SOCS7: variants seen among roughly 807,000 people sequenced by gnomAD.
SOCS7 encodes the protein NAP-4.
Under a neutral mutation model 58.9 loss-of-function variants are expected in SOCS7, and 18 were observed. The ratio of observed to expected loss-of-function variants is 0.31; its 90% CI spans 0.21 to 0.45. The LOEUF (loss-of-function observed/expected upper bound fraction) is 0.45. Among genes scored for constraint, SOCS7 ranks in the 20% least tolerant of loss-of-function variants. The probability of loss-of-function intolerance (pLI) is 1.00; values close to 1 mark genes in which losing one functional copy is unlikely to be tolerated. For missense variants in SOCS7, 667 were observed against 837.3 expected (o/e 0.80, Z 2.51); for synonymous variants, 388 against 364.3 (o/e 1.06, Z -0.74).
rs1555567601 is a variant in SOCS7, at chr17:38,361,717, C to T, written c.987C>T (p.Pro329=). 1 of 1,613,524 alleles carries T rather than the reference C, an allele frequency of 6.2e-7. No individual in the cohort carries two copies. Among genetic ancestry groups the T allele is most frequent in the Admixed American group, 1.7e-5 (1 of 59,992 alleles). ...AGRELDAGRK[P]KLTRTQSAFS... ...CTGCTTTCTCACTCCCTAGGAAACC[C>T]AAGTTGACAAGAACTCAAAGTGCCT... is the stretch of plus-strand genomic sequence containing the variant. Residue 329 remains proline, a synonymous_variant, in exon 2 of 10, where the codon CCC becomes CCT. Transcript: ENST00000612932.
At chr17:38,361,599 G>A (rs1463938766) in intron 1 of SOCS7, 112 bp from the exon 2 acceptor site, 177 of 818,796 alleles carry the variant, frequency 2.2e-4, no homozygotes, top group Non-Finnish European at 5.8e-5. Flanking sequence ...TGCTGACAAC[G>A]ACTAGGGTTT....
Position 38,395,369 on chromosome 17 carries a change from C to G in SOCS7, c.1742C>G (p.Ser581Cys). 6.2e-7 allele frequency: 1 copy of G among 1,614,094 alleles called. No homozygotes were observed. Among genetic ancestry groups the G allele is most frequent in the Non-Finnish European group, 8.5e-7 (1 of 1,179,964 alleles). ...YPVSRFSNVK[S>C]LQHLCRFRIR... The stretch of plus-strand genomic sequence containing the variant: ...GTGTCCCGATTCAGCAATGTCAAAT[C>G]CCTCCAGCACCTTTGCAGATTCCGG... The change falls in exon 8 of 10, where the codon TCC (serine) becomes TGC (cysteine). Residue 581 changes from serine (S) to cysteine (C), a missense_variant. This residue lies in a region of SOCS7 where 76 missense variants were observed against 194.5 expected (regional missense o/e 0.39). Coordinates refer to ENST00000612932, the MANE Select transcript of SOCS7 (RefSeq NM_014598.4).
intron 6 of SOCS7, among the ~76,000 whole-genome samples, chr17:38,369,065 T>G (rs2037828452): frequency 6.6e-6 from 1 of 152,214 alleles, no homozygotes; most frequent in South Asian, 2.1e-4. Context: ...GGCCAGAAAC[T>G]TGTGATGGTC....
At chr17:38,382,682 T>A (rs1016344009) in intron 7 of SOCS7, among the ~76,000 whole-genome samples, 3 of 151,830 alleles carry the variant, frequency 2.0e-5, no homozygotes, top group Non-Finnish European at 2.9e-5. Flanking sequence ...AGAGACGGGG[T>A]TTCACCATGT....
At chr17:38,362,636 A>G (rs1250527745) in intron 2 of SOCS7, among the ~76,000 whole-genome samples, 4 of 152,258 alleles carry the variant, frequency 2.6e-5, no homozygotes, top group Admixed American at 6.5e-5. Flanking sequence ...TAAGCAGGCC[A>G]ATGAGACTTG....
chr17:38,387,311 G>T (rs2038087381), intron 7 of SOCS7, among the ~76,000 whole-genome samples: 1 of 145,442 alleles, frequency 6.9e-6, no homozygotes, highest in African/African-American at 2.5e-5. Context: ...GCCGGGCGTG[G>T]TGGTGGGCAC....
chr17:38,387,129 G>GTGTGTATATA (rs1555570683), intron 7 of SOCS7, among the ~76,000 whole-genome samples: 1 of 64,822 alleles, frequency 1.5e-5, no homozygotes, highest in Non-Finnish European at 2.6e-5. Context: ...ATATATATAT[G>GTGTGTATATA]TATGTATATA....
At chr17:38,388,586 C>T (rs1053652754) in intron 7 of SOCS7, among the ~76,000 whole-genome samples, 2 of 152,108 alleles carry the variant, frequency 1.3e-5, no homozygotes, top group East Asian at 1.9e-4. Context: ...ACAACAATCA[C>T]CACAATCAAT....
rs528874390 is a variant in SOCS7, at chr17:38,401,530, G to T, written c.*2048G>T. 6.6e-5 allele frequency: 10 copies of T among 152,082 alleles called. No homozygotes were observed. Among genetic ancestry groups the T allele is most frequent in the African/African-American group, 2.4e-4 (10 of 41,482 alleles). The allele number at this position is 152,082 out of a possible 1,614,324, so 9.4% of individuals were successfully genotyped here. On this transcript the variant is annotated 3_prime_UTR_variant, in exon 10 of 10. Transcript: ENST00000612932. ...TGTGTGTGTGCCTGGCTTTGCGCTA[G>T]ATATTGTAGAAAACAAAAAAGGTAA... is the stretch of plus-strand genomic sequence containing the variant.
At chr17:38,395,495 G>T in intron 8 of SOCS7, 51 bp downstream of exon 8, 1 of 1,582,190 alleles carries the variant, frequency 6.3e-7, no homozygotes, top group Non-Finnish European at 8.7e-7. Context: ...GGGGTTGTGG[G>T]GAGGTAACAA....
chr17:38,352,646 AGAG>A lies in SOCS7; in HGVS notation c.598_600del (p.Glu200del). On this transcript the variant is annotated inframe_deletion, in exon 1 of 10. Coordinates refer to ENST00000612932, the MANE Select transcript of SOCS7 (RefSeq NM_014598.4). This position sits in a 1 kb window ranked among gnomAD's most constrained non-coding sequence, Gnocchi z 5.5. ...GCCTGGAGACTAACAGCTGCTCGGA[AGAG>A]GAGCTCAGCAGCCCGGGTCGCGGAG... 1 of 1,549,984 alleles carries A rather than the reference AGAG, an allele frequency of 6.5e-7. No homozygotes were observed. The highest frequency in any genetic ancestry group is 8.7e-7 in the Non-Finnish European group (1 of 1,146,842).
intron 7 of SOCS7, among the ~76,000 whole-genome samples, chr17:38,385,976 C>T (rs575631851): frequency 6.6e-6 from 1 of 151,942 alleles, no homozygotes; most frequent in East Asian, 1.9e-4. Context: ...CCCAGGAGTT[C>T]AAGACCTGCC....
chr17:38,387,151 ATG>A, intron 7 of SOCS7, among the ~76,000 whole-genome samples: 1 of 113,070 alleles, frequency 8.8e-6, no homozygotes, highest in African/African-American at 4.1e-5. Flanking sequence ...ATATATATAT[ATG>A]ATTAATTCAG....
chr17:38,370,231 C>T (rs1301493834), intron 6 of SOCS7, among the ~76,000 whole-genome samples: 1 of 152,068 alleles, frequency 6.6e-6, no homozygotes, highest in East Asian at 1.9e-4. Flanking sequence ...CTCCTAGCCT[C>T]ACGTGATCTG....
intron 7 of SOCS7, among the ~76,000 whole-genome samples, chr17:38,380,200 T>G (rs556838749): frequency 1.3e-5 from 2 of 152,336 alleles, no homozygotes; most frequent in Admixed American, 6.5e-5. Context: ...AGCATTGTAT[T>G]AAGGGCTAGA....
At position 38,387,082 on chromosome 17, in the gene SOCS7, TAAAAA is replaced by T. The variant is rs1214323571; in HGVS notation, c.1682-8210_1682-8206del. On this transcript the variant is annotated intron_variant, in intron 7 of 9. Coordinates refer to ENST00000612932, the MANE Select transcript of SOCS7 (RefSeq NM_014598.4). ...GGGCGACAGAGCGAGACTCTTATCT[TAAAAA>T]AAAAAAAAAAAAAAAATATATATAT... Among the ~76,000 whole-genome samples the T allele has an allele frequency of 9.3e-3, 446 of 48,028 alleles. 2 individuals carry two copies. The highest frequency in any genetic ancestry group is 0.012 in the South Asian group (15 of 1,296). The allele number at this position is 48,028 out of a possible 152,430, so 31.5% of individuals were successfully genotyped here. A position where few individuals can be genotyped will look rare whatever the true frequency, so the allele number is the denominator to read the frequency against.
At position 38,393,094 on chromosome 17, in the gene SOCS7, C is replaced by G. The variant is rs527465737; in HGVS notation, c.1682-2215C>G. Among the ~76,000 whole-genome samples, 19 of 152,228 alleles carry G rather than the reference C, an allele frequency of 1.2e-4. No individual in the cohort carries two copies. In the South Asian group the frequency reaches 2.3e-3, roughly 18 times the overall value. On this transcript the variant is annotated intron_variant, in intron 7 of 9. Transcript: ENST00000612932. ...GCACAATCTTGGCTCACTGTAGCCT[C>G]GAGTTCCTGGCCTCAAGTGATCTTA...
At position 38,366,208 on chromosome 17, in the gene SOCS7, C is replaced by A. The variant is rs1555568299; in HGVS notation, c.1253-79C>A. 3.2e-6 allele frequency: 5 copies of A among 1,560,090 alleles called. No individual in the cohort carries two copies. The Admixed American group carries it at 7.3e-5, about 23-fold the overall frequency. ...TGCCTTGCCCTCTTCAGTTAGCATC[C>A]TCTGTTTTTGGGGGAGGGTCTATTT... On this transcript the variant is annotated intron_variant, in intron 4 of 9. Transcript: ENST00000612932.
chr17:38,355,955 C>T (rs587758878), intron 1 of SOCS7, among the ~76,000 whole-genome samples: 44 of 152,256 alleles, frequency 2.9e-4, no homozygotes, highest in Admixed American at 1.3e-4. Flanking sequence ...GCGATCTTGG[C>T]TTACTGCAAC....
Sources: gnomAD v4.1 joint callset for allele counts (sites outside exome capture counted in the v4.1 genomes callset) on GRCh38, gnomAD v4.1.1 for gene constraint, gnomAD v4.1.1 regional missense constraint, Gnocchi (gnomAD v3.1) non-coding constraint, MANE v1.5 for transcripts, NCBI Gene and HGNC (gene_info 2026-07-23, HGNC 2026-07-21) for gene names.